The following CASP10 variants were observed in gnomAD, a reference collection of about 807,000 sequenced individuals.
The protein encoded by CASP10 is caspase 10.
In CASP10, 41 loss-of-function variants were observed where a neutral mutation model predicts 48.5. That is an observed-to-expected ratio of 0.85 (90% CI 0.66 to 1.10). The LOEUF (loss-of-function observed/expected upper bound fraction) is 1.10, where lower values mean the gene tolerates loss of function less well. CASP10 is among the 50% of genes least tolerant of loss of function. The pLI is 0.00. For missense variants in CASP10, 614 were observed against 614.5 expected, an observed-to-expected ratio of 1.00 and a Z score of 0.01; for synonymous variants, 232 against 238.4, an observed-to-expected ratio of 0.97 and a Z score of 0.25.
intron 9 of CASP10, among the ~76,000 whole-genome samples, chr2:201,217,265 G>A (rs994600585): frequency 1.3e-5 from 2 of 152,104 alleles, no homozygotes; most frequent in African/African-American, 4.8e-5. Context: ...CCTCCTGACT[G>A]AAAAAAGTTT....
rs1165793087 is a variant in CASP10 at position 201,218,032 on chromosome 2, G to T, written c.*291G>T. 1 of 810,766 alleles carries T rather than the reference G, an allele frequency of 1.2e-6. No homozygotes were observed. Among genetic ancestry groups the T allele is most frequent in the Non-Finnish European group, 1.7e-6 (1 of 590,268 alleles). 50.2% of individuals were successfully genotyped at this position (810,766 alleles called of 1,614,324 possible). On this transcript the variant is annotated 3_prime_UTR_variant, in exon 10 of 10. Transcript: ENST00000286186. ...AGGCTCAAGCTGTCCTCCCGCCTCA[G>T]CTTCCCAAGTAGCTGGGACCACAGG...
chr2:201,220,117 A>G lies in CASP10; in HGVS notation c.*2376A>G. 2 of 985,426 alleles carry G rather than the reference A, an allele frequency of 2.0e-6. No homozygotes were observed. The highest frequency in any genetic ancestry group is 4.7e-5 in the South Asian group (1 of 21,290). 61.0% of individuals were successfully genotyped at this position (985,426 alleles called of 1,614,324 possible). Reference sequence around the variant, plus strand: ...CACTGTTCTGATATCTCTGATTGTCATGTGGATTTGAATGTAGCTTGACAG... The same window carrying G: ...CACTGTTCTGATATCTCTGATTGTCGTGTGGATTTGAATGTAGCTTGACAG... On this transcript the variant is annotated 3_prime_UTR_variant, in exon 10 of 10. Coordinates refer to ENST00000286186, the MANE Select transcript of CASP10 (RefSeq NM_032977.4).
At chr2:201,209,856 T>TA (rs369419344) in intron 9 of CASP10, among the ~76,000 whole-genome samples, 92 of 152,166 alleles carry the variant, frequency 6.0e-4, no homozygotes, top group African/African-American at 2.2e-3. Context: ...GATACAGAGT[T>TA]AAAAAAAGAC....
intron 1 of CASP10, among the ~76,000 whole-genome samples, chr2:201,185,515 G>A (rs920281332): frequency 6.6e-6 from 1 of 152,096 alleles, no homozygotes; most frequent in Non-Finnish European, 1.5e-5. Context: ...TTTTGATTTG[G>A]GAGAAATCAA....
chr2:201,215,760 T>C (rs1384877525), intron 9 of CASP10, among the ~76,000 whole-genome samples: 1 of 152,174 alleles, frequency 6.6e-6, no homozygotes, highest in Non-Finnish European at 1.5e-5. Context: ...TCCATATACA[T>C]TTTAGGGTTT....
At chr2:201,183,874 TTATTTATTTATTTATC>T (rs1944317418) in intron 1 of CASP10, among the ~76,000 whole-genome samples, 1 of 151,822 alleles carries the variant, frequency 6.6e-6, no homozygotes, top group South Asian at 2.1e-4. Context: ...ATTTATTTAT[TTATTTATTTATTTATC>T]TATTTATTTA....
rs41442748 is a variant in CASP10 at position 201,207,369 on chromosome 2, C to G, written c.814-706C>G. On this transcript the variant is annotated intron_variant, in intron 7 of 9. Transcript: ENST00000286186. ...GGCATGGTGGCTCATGCCTGTAATC[C>G]TAGCACTTTGGGAGGCTGAGGTGGG... is the stretch of plus-strand genomic sequence containing the variant. Among the ~76,000 whole-genome samples, 231 of 152,236 alleles carry G rather than the reference C, an allele frequency of 1.5e-3. 3 individuals carry two copies. The highest frequency in any genetic ancestry group is 5.5e-3 in the African/African-American group (227 of 41,552).
rs1945663808 is a variant in CASP10, at chr2:201,219,358, T to C, written c.*1617T>C. Reference sequence around the variant, plus strand: ...ATTGACTGAAGCAAAGAAGGGAATTTATTGCCTCTTTCACATTGAAACCCA... The same window carrying C: ...ATTGACTGAAGCAAAGAAGGGAATTCATTGCCTCTTTCACATTGAAACCCA... On this transcript the variant is annotated 3_prime_UTR_variant, in exon 10 of 10. Coordinates refer to ENST00000286186, the MANE Select transcript of CASP10 (RefSeq NM_032977.4). The C allele has an allele frequency of 5.2e-6, 4 of 767,486 alleles. No homozygotes were observed. In the South Asian group the frequency reaches 1.8e-4, roughly 34 times the overall value. The allele number at this position is 767,486 out of a possible 1,614,324, so 47.5% of individuals were successfully genotyped here.
intron 6 of CASP10, 37 bp downstream of exon 6, chr2:201,203,803 G>A (rs569926838): frequency 3.4e-5 from 52 of 1,511,820 alleles, no homozygotes; most frequent in Non-Finnish European, 4.1e-5. Context: ...AACTTAGATC[G>A]GTATGGTAGG....
Position 201,217,875 on chromosome 2 carries a change from C to T in CASP10, c.*134C>T. ...GAAACACCGTGTTTTCTGACACAGT[C>T]AATTCTGATTTTCTTTTTCTTTTGC... On this transcript the variant is annotated 3_prime_UTR_variant, in exon 10 of 10. Coordinates refer to ENST00000286186, the MANE Select transcript of CASP10 (RefSeq NM_032977.4). The T allele has an allele frequency of 6.3e-7, 1 of 1,579,594 alleles. No individual in the cohort carries two copies. Among genetic ancestry groups the T allele is most frequent in the South Asian group, 1.2e-5 (1 of 86,080 alleles).
chr2:201,223,920 C>T (rs185617975), downstream of CASP10, among the ~76,000 whole-genome samples: 94 of 152,180 alleles, frequency 6.2e-4, no homozygotes, highest in Admixed American at 7.9e-4. Context: ...ACCTGAACCT[C>T]CTGAGTGGCA....
At chr2:201,208,048 A>G (rs745759396) in intron 7 of CASP10, 27 bp from the exon 8 acceptor site, 3 of 1,531,290 alleles carry the variant, frequency 2.0e-6, no homozygotes, top group East Asian at 4.5e-5. Flanking sequence ...AAGGATTCCT[A>G]CTAAGTGGCT....
chr2:201,183,311 A>G lies in CASP10; in HGVS notation c.-8+3A>G, dbSNP rs1279285945. 6.6e-6 allele frequency: 1 copy of G among 152,226 alleles called. No individual in the cohort carries two copies. Among genetic ancestry groups the G allele is most frequent in the Non-Finnish European group, 1.5e-5 (1 of 68,046 alleles). The allele number at this position is 152,226 out of a possible 1,614,324, so 9.4% of individuals were successfully genotyped here. On this transcript the variant is annotated splice_donor_region_variant and intron_variant, in intron 1 of 9. Transcript: ENST00000286186. ...GATTGGTGGAGCTTGATCTGAAGGT[A>G]TGTAATTAACAACCCTTCTTACTCC...
chr2:201,185,844 A>T lies in CASP10; in HGVS notation c.67A>T (p.Lys23Ter), dbSNP rs769634137. The T allele has an allele frequency of 1.2e-6, 2 of 1,614,108 alleles. No individual in the cohort carries two copies. The highest frequency in any genetic ancestry group is 1.7e-6 in the Non-Finnish European group (2 of 1,180,018). Reference protein sequence around the residue: ...DKNCKVSFREKLLIIDSNLGV... With the variant: ...DKNCKVSFRE ...AAACTGTAAAGTGAGCTTTCGTGAG[A>T]AGCTTCTGATTATTGATTCAAACCT... Residue 23 changes from lysine to a stop codon, truncating the protein, a stop_gained, in exon 2 of 10, where the codon AAG (lysine) becomes TAG (stop). Transcript: ENST00000286186. LOFTEE classifies it high-confidence loss of function.
At chr2:201,190,850 A>T (rs1944585805) in intron 3 of CASP10, among the ~76,000 whole-genome samples, 1 of 136,958 alleles carries the variant, frequency 7.3e-6, no homozygotes, top group Non-Finnish European at 1.6e-5. Flanking sequence ...TGGCTACAGA[A>T]TTATTATTAT....
chr2:201,202,266 A>G (rs1945046575), intron 5 of CASP10, among the ~76,000 whole-genome samples: 1 of 152,176 alleles, frequency 6.6e-6, no homozygotes, highest in Non-Finnish European at 1.5e-5. Context: ...CTTGAAAACT[A>G]TCAAAAGAAG....
chr2:201,193,049 C>T lies in CASP10; in HGVS notation c.507C>T (p.Cys169=). Residue 169 remains cysteine (C), a synonymous_variant, in exon 4 of 10, where the codon TGC becomes TGT. Transcript: ENST00000286186. ...AAATAGATGAAGATAATCTGACATG[C>T]CTGGAGGACCTCTGCAAAACAGTTG... is the stretch of plus-strand genomic sequence containing the variant. ...QGKIDEDNLT[C]LEDLCKTVVP... The T allele has an allele frequency of 6.2e-7, 1 of 1,613,508 alleles. No homozygotes were observed. The highest frequency in any genetic ancestry group is 1.3e-5 in the African/African-American group (1 of 75,000).
intron 9 of CASP10, among the ~76,000 whole-genome samples, chr2:201,215,801 T>C (rs758205618): frequency 2.0e-5 from 3 of 152,100 alleles, no homozygotes; most frequent in Non-Finnish European, 4.4e-5. Context: ...AATGTAATTT[T>C]TTTGTTTGTT....
At chr2:201,190,938 T>C (rs979840077) in intron 3 of CASP10, among the ~76,000 whole-genome samples, 1 of 152,056 alleles carries the variant, frequency 6.6e-6, no homozygotes, top group African/African-American at 2.4e-5. Context: ...CTCGGCTCAC[T>C]GCAACCTCTG....
Sources: allele counts gnomAD v4.1 joint callset (sites outside exome capture counted in the v4.1 genomes callset), GRCh38; gene constraint gnomAD v4.1.1; transcripts MANE v1.5; gene names NCBI Gene and HGNC (gene_info 2026-07-23, HGNC 2026-07-21).